The following COP1 variants were observed in gnomAD, a reference collection of about 807,000 sequenced individuals.
The protein encoded by COP1 is E3 ubiquitin-protein ligase COP1.
A neutral mutation model predicts 101.3 loss-of-function variants in COP1; 24 were observed. The observed-to-expected ratio is 0.24, with a 90% CI of 0.17 to 0.33. COP1 has a LOEUF of 0.33. Among genes scored for constraint, COP1 ranks in the 10% least tolerant of loss-of-function variants. The probability of loss-of-function intolerance (pLI) is 1.00; values close to 1 mark genes in which losing one functional copy is unlikely to be tolerated. For synonymous variants in COP1, 347 were observed against 341.9 expected (o/e 1.01, Z -0.17); for missense variants, 663 against 906.2 (o/e 0.73, Z 3.45).
intron 1 of COP1, among the ~76,000 whole-genome samples, chr1:176,187,706 C>A (rs1177371936): frequency 6.6e-6 from 1 of 152,088 alleles, no homozygotes; most frequent in Non-Finnish European, 1.5e-5. Context: ...ACATTTATAT[C>A]ATAGAATCAT....
rs2102347335 is a variant in COP1, at chr1:176,207,032, A to C, written c.-54T>G. ...TCGGAGGAGAGGGACCGCGACCTCG[A>C]CCCTCCGCCGCCTCCCCTCCCCTCA... On this transcript the variant is annotated 5_prime_UTR_variant, in exon 1 of 20. Coordinates refer to ENST00000367669, the MANE Select transcript of COP1 (RefSeq NM_022457.7). The C allele has an allele frequency of 7.7e-7, 1 of 1,306,868 alleles. No homozygotes were observed. Among genetic ancestry groups the C allele is most frequent in the Non-Finnish European group, 9.8e-7 (1 of 1,023,744 alleles). 81.0% of individuals were successfully genotyped at this position (1,306,868 alleles called of 1,614,324 possible). A position where few individuals can be genotyped will look rare whatever the true frequency, so the allele number is the denominator to read the frequency against.
At chr1:175,992,627 C>G (rs889359900) in intron 15 of COP1, among the ~76,000 whole-genome samples, 1 of 152,202 alleles carries the variant, frequency 6.6e-6, no homozygotes, top group Non-Finnish European at 1.5e-5. Context: ...CCTACGCCCA[C>G]GGAGTCTCGC....
intron 14 of COP1, among the ~76,000 whole-genome samples, chr1:176,038,218 T>A (rs1669910847): frequency 6.6e-6 from 1 of 151,950 alleles, no homozygotes. Flanking sequence ...ATGCTGAAAA[T>A]GACAAAACTA....
intron 18 of COP1, chr1:175,968,636 G>C (rs1271654159): frequency 2.5e-6 from 1 of 398,284 alleles, no homozygotes; most frequent in African/African-American, 2.1e-5. Context: ...TATACTTCAG[G>C]ATTCAGATAA....
chr1:176,125,288 T>C (rs990388407), intron 8 of COP1, among the ~76,000 whole-genome samples: 25 of 152,292 alleles, frequency 1.6e-4, no homozygotes, highest in African/African-American at 5.8e-4. Flanking sequence ...ATTTTTGCTT[T>C]GGTTGCCTGT....
At chr1:176,004,508 T>A (rs535053551) in intron 15 of COP1, among the ~76,000 whole-genome samples, 1 of 151,278 alleles carries the variant, frequency 6.6e-6, no homozygotes, top group African/African-American at 2.4e-5. Flanking sequence ...TAGTTCTTAT[T>A]ATTTTGAAAT....
At position 176,206,685 on chromosome 1, in the gene COP1, G is replaced by A; in HGVS notation, c.294C>T (p.Gly98=). 6.2e-7 allele frequency: 1 copy of A among 1,607,416 alleles called. No individual in the cohort carries two copies. The highest frequency in any genetic ancestry group is 8.5e-7 in the Non-Finnish European group (1 of 1,179,604). Residue 98 remains glycine, a synonymous_variant, in exon 1 of 20, where the codon GGC becomes GGT. Coordinates refer to ENST00000367669, the MANE Select transcript of COP1 (RefSeq NM_022457.7). ...RHSCAARPSA[G]VGGSSSSLGS... ...CTAGGCTGGAGCTGCTGCCTCCTAC[G>A]CCGGCGCTGGGCCTGGCCGCGCAGC... is the stretch of plus-strand genomic sequence containing the variant.
intron 9 of COP1, among the ~76,000 whole-genome samples, chr1:176,106,193 G>A (rs1206814256): frequency 6.6e-6 from 1 of 152,076 alleles, no homozygotes; most frequent in African/African-American, 2.4e-5. Flanking sequence ...ACCACACCCT[G>A]CTAATTTTTG....
intron 6 of COP1, among the ~76,000 whole-genome samples, chr1:176,139,273 C>CAAAAACAAA (rs1209115712): frequency 8.6e-6 from 1 of 116,318 alleles, no homozygotes; most frequent in East Asian, 2.3e-4. Flanking sequence ...AGTGAAAAAA[C>CAAAAACAAA]AAAAACAAAA....
chr1:176,205,925 GA>G (rs1325921970), intron 1 of COP1, among the ~76,000 whole-genome samples: 2 of 152,178 alleles, frequency 1.3e-5, no homozygotes, highest in African/African-American at 4.8e-5. Context: ...GTGGAGAAGT[GA>G]AAAATCTGTT....
chr1:175,956,389 A>C (rs1440774404), intron 18 of COP1, among the ~76,000 whole-genome samples: 1 of 152,158 alleles, frequency 6.6e-6, no homozygotes, highest in African/African-American at 2.4e-5. Flanking sequence ...TAGATCTAAG[A>C]CATACATGTA....
In COP1 at chr1:176,128,497, G is replaced by A. The variant is rs1021558322; in HGVS notation, c.968+6513C>T. 3.3e-5 allele frequency among the ~76,000 whole-genome samples: 5 copies of A among 151,894 alleles called. No individual in the cohort carries two copies. In the South Asian group the frequency reaches 8.3e-4, roughly 25 times the overall value. ...GGCATGGTTTAGGGTCAGAATTAAG[G>A]AAAGTAACCTTTAGTACTCACAAGA... On this transcript the variant is annotated intron_variant, in intron 8 of 19. Transcript: ENST00000367669.
rs1680042698 is a variant in COP1, at chr1:176,085,899, A to G, written c.1027-9T>C. The G allele has an allele frequency of 1.3e-6, 2 of 1,496,908 alleles. No individual in the cohort carries two copies. The highest frequency in any genetic ancestry group is 1.4e-5 in the African/African-American group (1 of 72,522). 92.7% of individuals were successfully genotyped at this position (1,496,908 alleles called of 1,614,324 possible). A position where few individuals can be genotyped will look rare whatever the true frequency, so the allele number is the denominator to read the frequency against. On this transcript the variant is annotated splice_polypyrimidine_tract_variant and intron_variant, in intron 9 of 19. Coordinates refer to ENST00000367669, the MANE Select transcript of COP1 (RefSeq NM_022457.7). The stretch of plus-strand genomic sequence containing the variant: ...CAAGGCTGTTTCTTTGTCTAAAATA[A>G]TAAGAAAAGACACAAAACTTAGAAT...
intron 5 of COP1, among the ~76,000 whole-genome samples, chr1:176,158,040 A>G (rs1693729540): frequency 6.6e-6 from 1 of 152,126 alleles, no homozygotes; most frequent in Non-Finnish European, 1.5e-5. Context: ...GAAGCAAACT[A>G]TAAATCTACA....
At chr1:175,961,373 TGAA>T (rs1444940459) in intron 18 of COP1, among the ~76,000 whole-genome samples, 1 of 152,154 alleles carries the variant, frequency 6.6e-6, no homozygotes, top group East Asian at 1.9e-4. Flanking sequence ...GACTTTGGCA[TGAA>T]GTTTATTAAT....
chr1:176,117,666 G>A (rs1042840223), intron 8 of COP1, among the ~76,000 whole-genome samples: 19 of 152,136 alleles, frequency 1.2e-4, no homozygotes. Context: ...AGGCCAAGGC[G>A]GGCGGATCAC....
intron 15 of COP1, among the ~76,000 whole-genome samples, chr1:176,011,453 T>C (rs1304518266): frequency 6.6e-6 from 1 of 152,180 alleles, no homozygotes; most frequent in South Asian, 2.1e-4. Context: ...TCTAAGTACT[T>C]AAGATGGTTA....
chr1:176,130,250 A>T (rs888698382), intron 8 of COP1, among the ~76,000 whole-genome samples: 1 of 151,730 alleles, frequency 6.6e-6, no homozygotes, highest in Non-Finnish European at 1.5e-5. Flanking sequence ...AAATATTAAT[A>T]ATACTCTAGA....
intron 5 of COP1, among the ~76,000 whole-genome samples, chr1:176,162,366 T>C (rs1338442792): frequency 6.6e-6 from 1 of 152,210 alleles, no homozygotes; most frequent in Non-Finnish European, 1.5e-5. Context: ...AACAGTTACG[T>C]AAAATAAATG....
Sources: allele counts gnomAD v4.1 joint callset (sites outside exome capture counted in the v4.1 genomes callset), GRCh38; gene constraint gnomAD v4.1.1; transcripts MANE v1.5; gene names NCBI Gene and HGNC (gene_info 2026-07-23, HGNC 2026-07-21).